The following GPC5 variants were observed in gnomAD, a reference collection of about 807,000 sequenced individuals.
GPC5 encodes glypican-5.
GPC5 carries 47 observed loss-of-function variants against 53.9 expected under a neutral mutation model. That is an observed-to-expected ratio of 0.87 (90% CI 0.69 to 1.11). The LOEUF is 1.11. Among genes scored for constraint, GPC5 ranks in the 50% most tolerant of loss-of-function variants. The pLI is 0.00. For synonymous variants in GPC5, 286 were observed against 263.3 expected, an observed-to-expected ratio of 1.09 and a Z score of -0.84; for missense variants, 748 against 713.1, an observed-to-expected ratio of 1.05 and a Z score of -0.56.
At chr13:92,357,778 G>A (rs1027591716) in intron 7 of GPC5, among the ~76,000 whole-genome samples, 10 of 151,524 alleles carry the variant, frequency 6.6e-5, no homozygotes, top group East Asian at 1.9e-4. Flanking sequence ...CACTGACTAT[G>A]ACAAGAACAG....
intron 6 of GPC5, among the ~76,000 whole-genome samples, chr13:92,123,375 G>T (rs893065033): frequency 1.5e-4 from 23 of 152,074 alleles, no homozygotes; most frequent in African/African-American, 5.6e-4. Flanking sequence ...TATAACAGGA[G>T]TACTTCCTAT....
chr13:92,799,640 T>A (rs1876827374), intron 7 of GPC5, among the ~76,000 whole-genome samples: 3 of 151,822 alleles, frequency 2.0e-5, no homozygotes, highest in Admixed American at 2.0e-4. Flanking sequence ...GAGTCTTTTC[T>A]GTGGGTTTCC....
intron 2 of GPC5, among the ~76,000 whole-genome samples, chr13:91,562,712 C>T (rs2031341263): frequency 6.6e-6 from 1 of 151,244 alleles, no homozygotes; most frequent in South Asian, 2.1e-4. Context: ...AGCCACCACG[C>T]CTGGCCAAGG....
chr13:91,677,306 A>G (rs2035406219), intron 2 of GPC5, among the ~76,000 whole-genome samples: 1 of 152,196 alleles, frequency 6.6e-6, no homozygotes, highest in Non-Finnish European at 1.5e-5. Flanking sequence ...TTTCAAATAT[A>G]TGACTGCAGC....
intron 6 of GPC5, among the ~76,000 whole-genome samples, chr13:92,068,753 A>G (rs1365821622): frequency 1.3e-5 from 2 of 151,016 alleles, no homozygotes; most frequent in Admixed American, 6.6e-5. Flanking sequence ...GTGATATTAA[A>G]ATAATATTTC....
chr13:91,706,314 T>C (rs2036105042), intron 3 of GPC5, among the ~76,000 whole-genome samples: 1 of 152,154 alleles, frequency 6.6e-6, no homozygotes, highest in East Asian at 1.9e-4. Context: ...GAGTTATAAG[T>C]GATATTTGCC....
chr13:91,509,272 G>T (rs1885107848), intron 2 of GPC5, among the ~76,000 whole-genome samples: 1 of 139,276 alleles, frequency 7.2e-6, no homozygotes, highest in Admixed American at 7.9e-5. Flanking sequence ...CTCATACCAG[G>T]TCAAACTACT....
intron 3 of GPC5, among the ~76,000 whole-genome samples, chr13:91,698,971 C>T (rs1409164592): frequency 2.0e-5 from 3 of 152,188 alleles, no homozygotes; most frequent in Non-Finnish European, 4.4e-5. Flanking sequence ...AGTGACTTTA[C>T]AGCTCCTGTG....
chr13:92,059,418 A>G (rs971708670), intron 6 of GPC5, among the ~76,000 whole-genome samples: 2 of 152,108 alleles, frequency 1.3e-5, no homozygotes, highest in Admixed American at 6.5e-5. Flanking sequence ...ATCAGTATCA[A>G]TCCTGCTGCC....
At chr13:92,752,609 TG>T (rs1370198566) in intron 7 of GPC5, among the ~76,000 whole-genome samples, 2 of 151,968 alleles carry the variant, frequency 1.3e-5, no homozygotes, top group Admixed American at 6.6e-5. Context: ...TGCCAGACAG[TG>T]GGCGCAGGTC....
chr13:91,910,623 C>T (rs1349165129), intron 6 of GPC5, among the ~76,000 whole-genome samples: 4 of 152,132 alleles, frequency 2.6e-5, no homozygotes, highest in Admixed American at 6.5e-5. Context: ...AGGCCTTTCT[C>T]GGCCTGCCAT....
intron 7 of GPC5, among the ~76,000 whole-genome samples, chr13:92,238,280 A>G (rs1044174622): frequency 2.0e-5 from 3 of 151,964 alleles, no homozygotes; most frequent in African/African-American, 7.2e-5. Context: ...ACTGCTGTAC[A>G]GAGTAGCTTC....
At chr13:92,573,577 C>T (rs1339494780) in intron 7 of GPC5, among the ~76,000 whole-genome samples, 7 of 151,912 alleles carry the variant, frequency 4.6e-5, no homozygotes, top group East Asian at 3.9e-4. Context: ...TCCTTTCTCC[C>T]GAACAGTGAG....
chr13:92,194,052 C>T (rs114761008), intron 7 of GPC5, among the ~76,000 whole-genome samples: 198 of 151,964 alleles, frequency 1.3e-3, no homozygotes, highest in African/African-American at 4.4e-3. Flanking sequence ...CTTTGTTATA[C>T]GAATGAAAGG....
intron 2 of GPC5, among the ~76,000 whole-genome samples, chr13:91,466,767 T>G (rs1248087151): frequency 6.6e-6 from 1 of 152,112 alleles, no homozygotes. Flanking sequence ...ACATGAGTCT[T>G]GCAAGAGAGT....
intron 7 of GPC5, among the ~76,000 whole-genome samples, chr13:92,278,076 A>G (rs1486894931): frequency 3.9e-5 from 6 of 151,912 alleles, no homozygotes; most frequent in Admixed American, 6.6e-5. Context: ...CACTCTCAAG[A>G]AAGATTGAGA....
chr13:91,835,449 T>C (rs149375529), intron 5 of GPC5, among the ~76,000 whole-genome samples: 6,733 of 152,248 alleles, frequency 0.044, 175 homozygotes, highest in Middle Eastern at 0.065. Flanking sequence ...ATGTTTATTG[T>C]GGCACTATTC....
At chr13:92,281,750 T>G (rs2139169637) in intron 7 of GPC5, among the ~76,000 whole-genome samples, 1 of 152,148 alleles carries the variant, frequency 6.6e-6, no homozygotes, top group South Asian at 2.1e-4. Flanking sequence ...CATCTGTACA[T>G]CAACATCAGC....
chr13:92,582,798 T>C (rs2151539), intron 7 of GPC5, among the ~76,000 whole-genome samples: 40,528 of 151,990 alleles, frequency 0.27, 5,649 homozygotes, highest in Middle Eastern at 0.31. Flanking sequence ...AGATAGTTCA[T>C]TGTTACTGTA....
Sources: allele counts gnomAD v4.1 joint callset (sites outside exome capture counted in the v4.1 genomes callset), GRCh38; gene constraint gnomAD v4.1.1; transcripts MANE v1.5; gene names NCBI Gene and HGNC (gene_info 2026-07-23, HGNC 2026-07-21).